Variants in CAMSAP1 observed in about 807,000 individuals in gnomAD.
CAMSAP1 encodes calmodulin regulated spectrin associated protein 1.
In CAMSAP1, 58 loss-of-function variants were observed where a neutral mutation model predicts 143.5. The observed-to-expected ratio is 0.40, with a 90% CI of 0.33 to 0.50. The LOEUF is 0.50. CAMSAP1 is among the 20% of genes least tolerant of loss of function. The pLI, the probability that CAMSAP1 is intolerant of heterozygous loss-of-function variation, is 0.45. For missense variants in CAMSAP1, 1,969 were observed against 2,115.7 expected (o/e 0.93, Z 1.36); for synonymous variants, 945 against 859.3 (o/e 1.10, Z -1.74).
intron 1 of CAMSAP1, among the ~76,000 whole-genome samples, chr9:135,894,671 G>T (rs941060790): frequency 6.6e-6 from 1 of 152,214 alleles, no homozygotes; most frequent in Non-Finnish European, 1.5e-5. Context: ...AGTAGGACAG[G>T]CCTGCATGCT....
chr9:135,851,249 A>C (rs544173651), intron 5 of CAMSAP1, among the ~76,000 whole-genome samples: 1 of 152,376 alleles, frequency 6.6e-6, no homozygotes, highest in Admixed American at 6.5e-5. Flanking sequence ...GAGAAAAAAT[A>C]GAATTTCAGA....
rs61221445 is a variant in CAMSAP1, at chr9:135,826,194, GCA to G, written c.1223+1211_1223+1212del. 45 of 113,332 alleles carry G rather than the reference GCA, an allele frequency of 4.0e-4. No individual in the cohort carries two copies. The highest frequency in any genetic ancestry group is 4.2e-4 in the Non-Finnish European group (22 of 52,968). 7.0% of individuals were successfully genotyped at this position (113,332 alleles called of 1,614,324 possible). ...CAGAGCAGCGTGTACACGGGCACCA[GCA>G]CACACACACACACACACACGGCTCA... On this transcript the variant is annotated intron_variant, in intron 8 of 16. Transcript: ENST00000389532. This position sits in a 1 kb window ranked among gnomAD's most constrained non-coding sequence, Gnocchi z 4.4.
Position 135,827,498 on chromosome 9 carries a change from C to G in CAMSAP1, c.1132G>C (p.Ala378Pro). The G allele has an allele frequency of 6.2e-7, 1 of 1,612,910 alleles. No individual in the cohort carries two copies. Among genetic ancestry groups the G allele is most frequent in the Non-Finnish European group, 8.5e-7 (1 of 1,179,000 alleles). ...TKRSFLGSPA[A>P]GTLAELQPPV... ...GGCTGCAGCTCAGCCAGGGTCCCTG[C>G]AGCAGGGCTGCCTAGGAAACTGCGT... Residue 378 changes from alanine (A) to proline (P), a missense_variant, in exon 8 of 17, where the codon GCA becomes CCA. Ala to Pro is a conservative substitution (Grantham distance 27). Transcript: ENST00000389532.
intron 3 of CAMSAP1, among the ~76,000 whole-genome samples, chr9:135,869,611 TGGAA>T (rs1211078363): frequency 6.6e-6 from 1 of 151,708 alleles, no homozygotes; most frequent in Non-Finnish European, 1.5e-5. Context: ...ACAGCTGCTG[TGGAA>T]GACAGTCTGG....
In CAMSAP1 at chr9:135,809,618, GC is replaced by G. The variant is rs1419582327; in HGVS notation, c.*1690del. 2 of 152,598 alleles carry G rather than the reference GC, an allele frequency of 1.3e-5. No homozygotes were observed. The highest frequency in any genetic ancestry group is 2.9e-5 in the Non-Finnish European group (2 of 68,024). The allele number at this position is 152,598 out of a possible 1,614,324, so 9.5% of individuals were successfully genotyped here. A position where few individuals can be genotyped will look rare whatever the true frequency, so the allele number is the denominator to read the frequency against. On this transcript the variant is annotated 3_prime_UTR_variant, in exon 17 of 17. Coordinates refer to ENST00000389532, the MANE Select transcript of CAMSAP1 (RefSeq NM_015447.4). ...GTTCATCACTTTATTACATCTTAGT[GC>G]TTTCTTAAAATAAATACAGTAATAT...
At chr9:135,877,421 C>T (rs997970632) in intron 3 of CAMSAP1, among the ~76,000 whole-genome samples, 1 of 145,596 alleles carries the variant, frequency 6.9e-6, no homozygotes, top group Non-Finnish European at 1.5e-5. Flanking sequence ...GAATGCTAAA[C>T]AAATGACTGC....
intron 1 of CAMSAP1, among the ~76,000 whole-genome samples, chr9:135,902,995 G>GCTA (rs1838663550): frequency 6.6e-6 from 1 of 152,226 alleles, no homozygotes; most frequent in Non-Finnish European, 1.5e-5. Context: ...TTGAGTGCAT[G>GCTA]CTAGTACTTG....
At chr9:135,894,260 G>C (rs532062418) in intron 1 of CAMSAP1, among the ~76,000 whole-genome samples, 1 of 152,232 alleles carries the variant, frequency 6.6e-6, no homozygotes, top group South Asian at 2.1e-4. Context: ...AGGGAATCCA[G>C]CAAGTGGGAC....
At chr9:135,891,463 A>G (rs1838289167) in intron 1 of CAMSAP1, among the ~76,000 whole-genome samples, 1 of 152,242 alleles carries the variant, frequency 6.6e-6, no homozygotes, top group African/African-American at 2.4e-5. Context: ...GCCCGGGGCC[A>G]CAGGCAAAAG....
chr9:135,830,564 A>G (rs1052133366), intron 7 of CAMSAP1, among the ~76,000 whole-genome samples: 1 of 152,374 alleles, frequency 6.6e-6, no homozygotes, highest in South Asian at 2.1e-4. Context: ...TCAAAGGAGA[A>G]ACAGAAATAC....
rs760770627 is a variant in CAMSAP1, at chr9:135,821,415, C to T, written c.3246G>A (p.Thr1082=). 28 of 1,614,006 alleles carry T rather than the reference C, an allele frequency of 1.7e-5. No homozygotes were observed. The highest frequency in any genetic ancestry group is 1.6e-4 in the East Asian group (7 of 44,878). Residue 1082 remains threonine, a synonymous_variant, in exon 11 of 17, where the codon ACG becomes ACA. Coordinates refer to ENST00000389532, the MANE Select transcript of CAMSAP1 (RefSeq NM_015447.4). This position sits in a 1 kb window ranked among gnomAD's most constrained non-coding sequence, Gnocchi z 4.6. ...GGGCTTTGCGGTGGCCAGCCACGCC[C>T]GTGGGAGAGAGTGGCTCCACGAAGT... ...PVHFVEPLSP[T]GVAGHRKAPR... is the part of the protein sequence containing the mutation.
At chr9:135,887,297 G>C (rs1298440050) in intron 1 of CAMSAP1, among the ~76,000 whole-genome samples, 2 of 152,180 alleles carry the variant, frequency 1.3e-5, no homozygotes, top group East Asian at 1.9e-4. Flanking sequence ...TGTGCACCAA[G>C]GAAGGCTGAG....
intron 16 of CAMSAP1, among the ~76,000 whole-genome samples, chr9:135,812,232 A>C (rs1044662512): frequency 2.0e-5 from 3 of 152,190 alleles, no homozygotes; most frequent in Non-Finnish European, 2.9e-5. Flanking sequence ...TCTGTTCCCT[A>C]TCAATAAAAA....
At chr9:135,845,026 A>G (rs972630647) in intron 7 of CAMSAP1, among the ~76,000 whole-genome samples, 2 of 152,220 alleles carry the variant, frequency 1.3e-5, no homozygotes, top group African/African-American at 4.8e-5. Context: ...TTATGAGGCC[A>G]GCATCATCGT....
chr9:135,838,863 C>G (rs957089592), intron 7 of CAMSAP1, among the ~76,000 whole-genome samples: 1 of 150,354 alleles, frequency 6.7e-6, no homozygotes, highest in African/African-American at 2.5e-5. Flanking sequence ...CATTCTGTAG[C>G]CACACGTTCG....
chr9:135,901,506 C>A (rs1413461563), intron 1 of CAMSAP1, among the ~76,000 whole-genome samples: 1 of 151,984 alleles, frequency 6.6e-6, no homozygotes, highest in Non-Finnish European at 1.5e-5. Context: ...CCTAGCAACT[C>A]GGGAGGCTGA....
In CAMSAP1 at chr9:135,850,454, G is replaced by A. The variant is rs769833100; in HGVS notation, c.816C>T (p.Cys272=). 3 of 1,575,008 alleles carry A rather than the reference G, an allele frequency of 1.9e-6. No homozygotes were observed. In the Admixed American group the frequency reaches 6.0e-5, roughly 32 times the overall value. Residue 272 remains cysteine (C), a synonymous_variant, in exon 6 of 17, where the codon TGC becomes TGT. Coordinates refer to ENST00000389532, the MANE Select transcript of CAMSAP1 (RefSeq NM_015447.4). ...CGGCCATCGACGTTACCTCCTTTAA[G>A]CATATATCTAATAGACAAAAAGAAA... is the stretch of plus-strand genomic sequence containing the variant. ...CPEQMKLDDI[C]LKEVTSMADS...
chr9:135,844,395 G>A (rs539231951), intron 7 of CAMSAP1, among the ~76,000 whole-genome samples: 1 of 152,276 alleles, frequency 6.6e-6, no homozygotes, highest in East Asian at 1.9e-4. Flanking sequence ...GAAGTTCTTT[G>A]AAACAAATGG....
At position 135,810,842 on chromosome 9, in the gene CAMSAP1, T is replaced by G. The variant is rs775445792; in HGVS notation, c.*467A>C. ...ACATTCAAACACCCCAAGCCAAGAT[T>G]GAGCCTCAGTCCCATAGTCACGAGA... On this transcript the variant is annotated 3_prime_UTR_variant, in exon 17 of 17. Transcript: ENST00000389532. 6.1e-6 allele frequency: 1 copy of G among 164,096 alleles called. No homozygotes were observed. Among genetic ancestry groups the G allele is most frequent in the African/African-American group, 2.4e-5 (1 of 41,710 alleles). 10.2% of individuals were successfully genotyped at this position (164,096 alleles called of 1,614,324 possible).
Sources: gnomAD v4.1 joint callset for allele counts (sites outside exome capture counted in the v4.1 genomes callset) on GRCh38, gnomAD v4.1.1 for gene constraint, Gnocchi (gnomAD v3.1) non-coding constraint, MANE v1.5 for transcripts, NCBI Gene and HGNC (gene_info 2026-07-23, HGNC 2026-07-21) for gene names.